The following ABHD2 variants were observed in gnomAD, a reference collection of about 807,000 sequenced individuals.
ABHD2 encodes the protein monoacylglycerol lipase ABHD2.
Under a neutral mutation model 48.1 loss-of-function variants are expected in ABHD2, and 20 were observed. The ratio of observed to expected loss-of-function variants is 0.42; its 90% CI spans 0.29 to 0.60. ABHD2 has a LOEUF of 0.60. ABHD2 is among the 20% of genes least tolerant of loss of function. The pLI is 0.24. For missense variants in ABHD2, 405 were observed against 550.9 expected (o/e 0.74, Z 2.65); for synonymous variants, 209 against 214.2 (o/e 0.98, Z 0.21).
At position 89,116,179 on chromosome 15, in the gene ABHD2, C is replaced by T; in HGVS notation, c.-6-143C>T. ...AGCTGTAAGATGCTGGTGGTGTCTG[C>T]CTGTCAGGAGCCTGCGGAAACATCT... On this transcript the variant is annotated intron_variant, in intron 2 of 10. Transcript: ENST00000352732. This position sits in a 1 kb window ranked among gnomAD's most constrained non-coding sequence, Gnocchi z 4.6. 17 of 702,842 alleles carry T rather than the reference C, an allele frequency of 2.4e-5. No individual in the cohort carries two copies. The highest frequency in any genetic ancestry group is 8.2e-4 in the Middle Eastern group (2 of 2,426). The allele number at this position is 702,842 out of a possible 1,614,324, so 43.5% of individuals were successfully genotyped here. A position where few individuals can be genotyped will look rare whatever the true frequency, so the allele number is the denominator to read the frequency against.
rs888397909 is a variant in ABHD2, at chr15:89,184,459, G to T, written c.723-965G>T. On this transcript the variant is annotated intron_variant, in intron 6 of 10. Transcript: ENST00000352732. The surrounding 1 kb of genome is among the most constrained non-coding windows in gnomAD (Gnocchi z 5.1). ...GTCAGGCCTGGAGATTTTGAAACGT[G>T]CAAGATAAAAGTTTCCCTGTAATGA... Among the ~76,000 whole-genome samples, 9 of 152,188 alleles carry T rather than the reference G, an allele frequency of 5.9e-5. No individual in the cohort carries two copies. The highest frequency in any genetic ancestry group is 1.3e-4 in the Non-Finnish European group (9 of 68,036).
In ABHD2 at chr15:89,092,441, A is replaced by G. The variant is rs753050367; in HGVS notation, c.-107+3878A>G. Among the ~76,000 whole-genome samples the G allele has an allele frequency of 1.3e-5, 2 of 152,236 alleles. No homozygotes were observed. Among genetic ancestry groups the G allele is most frequent in the African/African-American group, 4.8e-5 (2 of 41,452 alleles). On this transcript the variant is annotated intron_variant, in intron 1 of 10. Coordinates refer to ENST00000352732, the MANE Select transcript of ABHD2 (RefSeq NM_152924.5). This position sits in a 1 kb window ranked among gnomAD's most constrained non-coding sequence, Gnocchi z 4.4. ...TAGTTTGGTTTGTTGCTTAAAAACT[A>G]TTTTGTTTTAAAATTGTTTTTAATA...
At chr15:89,084,860 G>A (rs917138686), upstream of ABHD2, among the ~76,000 whole-genome samples, 6 of 152,220 alleles carry the variant, frequency 3.9e-5, no homozygotes, top group African/African-American at 1.2e-4. This position sits in a 1 kb window ranked among gnomAD's most constrained non-coding sequence, Gnocchi z 4.4. Flanking sequence ...TGTCCTCTGC[G>A]TTTTACAGAA....
chr15:89,135,518 GA>G (rs949599712), intron 3 of ABHD2: 48 of 1,191,256 alleles, frequency 4.0e-5, no homozygotes, highest in African/African-American at 1.8e-4. Context: ...TTATAGACGA[GA>G]AAAAAAACTA....
rs2050843243 is a variant in ABHD2 at position 89,166,719 on chromosome 15, G to T, written c.539-9093G>T. 6.6e-6 allele frequency among the ~76,000 whole-genome samples: 1 copy of T among 152,050 alleles called. No homozygotes were observed. The highest frequency in any genetic ancestry group is 6.6e-5 in the Admixed American group (1 of 15,264). ...GTCTGTAGTCCCGGCTACTCTAGAA[G>T]CGCTGTGCCCAGGAGTTCAAGGCTA... On this transcript the variant is annotated intron_variant, in intron 5 of 10. Transcript: ENST00000352732. The surrounding 1 kb of genome is among the most constrained non-coding windows in gnomAD (Gnocchi z 4.6).
chr15:89,136,455 G>T, intron 3 of ABHD2: 1 of 470,872 alleles, frequency 2.1e-6, no homozygotes, highest in South Asian at 1.6e-5. Context: ...TGCATATGAT[G>T]GCATTTTCTC....
At position 89,146,686 on chromosome 15, in the gene ABHD2, C is replaced by G. The variant is rs2050497614; in HGVS notation, c.195-4991C>G. 6.6e-6 allele frequency among the ~76,000 whole-genome samples: 1 copy of G among 152,010 alleles called. No homozygotes were observed. The highest frequency in any genetic ancestry group is 1.5e-5 in the Non-Finnish European group (1 of 68,014). On this transcript the variant is annotated intron_variant, in intron 3 of 10. Transcript: ENST00000352732. This position sits in a 1 kb window ranked among gnomAD's most constrained non-coding sequence, Gnocchi z 4.2. ...TAAAACATGCCCAGATGCTTCAACT[C>G]AAGAATAGCTTTAAAAAATACAGAC...
chr15:89,118,226 C>T (rs571634838), intron 3 of ABHD2, among the ~76,000 whole-genome samples: 130 of 152,024 alleles, frequency 8.6e-4, no homozygotes, highest in Middle Eastern at 6.8e-3. Flanking sequence ...CTCTGTCACC[C>T]GGGCTGGAGT....
At chr15:89,187,736 AC>A (rs2051234963) in intron 7 of ABHD2, among the ~76,000 whole-genome samples, 1 of 152,130 alleles carries the variant, frequency 6.6e-6, no homozygotes, top group Non-Finnish European at 1.5e-5. Context: ...AAATGAGTTA[AC>A]CCTTGTCTTC....
intron 5 of ABHD2, among the ~76,000 whole-genome samples, chr15:89,163,614 C>T (rs2150908635): frequency 6.6e-6 from 1 of 152,352 alleles, no homozygotes; most frequent in African/African-American, 2.4e-5. Flanking sequence ...TTAATACCAC[C>T]TCTGTGGTAG....
chr15:89,087,734 C>G (rs957494862), upstream of ABHD2: 2 of 152,320 alleles, frequency 1.3e-5, no homozygotes, highest in Non-Finnish European at 2.9e-5. This position sits in a 1 kb window ranked among gnomAD's most constrained non-coding sequence, Gnocchi z 5.5. Context: ...AGGCTACATT[C>G]TTCCAGGCGG....
the ABHD2 span, among the ~76,000 whole-genome samples, chr15:89,081,720 G>A: frequency 3.9e-5 from 6 of 152,136 alleles, no homozygotes; most frequent in East Asian, 1.9e-4. Context: ...ACGTGGTGGC[G>A]CACGCGTGTA....
At chr15:89,053,054 G>C in the ABHD2 span, among the ~76,000 whole-genome samples, 1 of 149,912 alleles carries the variant, frequency 6.7e-6, no homozygotes, top group Non-Finnish European at 1.5e-5. Context: ...TGCAACCTCT[G>C]CCTCCCGGGT....
rs992287202 is a variant in ABHD2, at chr15:89,196,592, A to G, written c.*1169A>G. 7.9e-5 allele frequency: 12 copies of G among 152,150 alleles called. No homozygotes were observed. Among genetic ancestry groups the G allele is most frequent in the Non-Finnish European group, 1.2e-4 (8 of 68,020 alleles). The allele number at this position is 152,150 out of a possible 1,614,324, so 9.4% of individuals were successfully genotyped here. A position where few individuals can be genotyped will look rare whatever the true frequency, so the allele number is the denominator to read the frequency against. ...TTTGTGTGTGTGTGTCCCTTATTTG[A>G]TAAAAAGATGTTTTGAGTTGTTTTT... On this transcript the variant is annotated 3_prime_UTR_variant, in exon 11 of 11. Transcript: ENST00000352732.
At chr15:89,044,473 C>A in the ABHD2 span, among the ~76,000 whole-genome samples, 2 of 152,024 alleles carry the variant, frequency 1.3e-5, no homozygotes, top group African/African-American at 4.8e-5. Flanking sequence ...CCTGAGGAAT[C>A]GCCACACTGA....
Position 89,088,758 on chromosome 15 carries a change from T to G in ABHD2, c.-107+195T>G, listed in dbSNP as rs969127299. Among the ~76,000 whole-genome samples, 8 of 152,138 alleles carry G rather than the reference T, an allele frequency of 5.3e-5. No homozygotes were observed. The highest frequency in any genetic ancestry group is 1.0e-4 in the Non-Finnish European group (7 of 68,024). ...TGCCCAGTGGTGGGGACAGCCCAGA[T>G]CGCGGCGGGGGATACGCCTTCCTGA... On this transcript the variant is annotated intron_variant, in intron 1 of 10. Transcript: ENST00000352732. The surrounding 1 kb of genome is among the most constrained non-coding windows in gnomAD (Gnocchi z 6.8).
rs368664852 is a variant in ABHD2, at chr15:89,182,593, A to G, written c.723-2831A>G. ...CACTTGAGGTCAGGAGTTCTAGACC[A>G]CCCTGGCCAACATGACGAAACCCCG... On this transcript the variant is annotated intron_variant, in intron 6 of 10. Transcript: ENST00000352732. This position sits in a 1 kb window ranked among gnomAD's most constrained non-coding sequence, Gnocchi z 4.8. Among the ~76,000 whole-genome samples the G allele has an allele frequency of 6.6e-6, 1 of 152,106 alleles. No homozygotes were observed. Among genetic ancestry groups the G allele is most frequent in the South Asian group, 2.1e-4 (1 of 4,832 alleles).
intron 1 of ABHD2, among the ~76,000 whole-genome samples, chr15:89,108,886 T>C (rs1355845940): frequency 6.6e-6 from 1 of 152,248 alleles, no homozygotes; most frequent in East Asian, 1.9e-4. Context: ...CCTGTGCTCT[T>C]TAGCCGAGGA....
chr15:89,138,397 T>G (rs2050349488), intron 3 of ABHD2, among the ~76,000 whole-genome samples: 1 of 152,206 alleles, frequency 6.6e-6, no homozygotes. Flanking sequence ...ATCAAACACC[T>G]GTCACCTTTC....
Sources: allele counts gnomAD v4.1 joint callset (sites outside exome capture counted in the v4.1 genomes callset), GRCh38; gene constraint gnomAD v4.1.1; non-coding constraint Gnocchi (gnomAD v3.1); transcripts MANE v1.5; gene names NCBI Gene and HGNC (gene_info 2026-07-23, HGNC 2026-07-21).